Variants in COBL observed in about 807,000 individuals in gnomAD.
The protein encoded by COBL is cordon-bleu WH2 repeat protein, also known as protein cordon-bleu.
In COBL, 51 loss-of-function variants were observed where a neutral mutation model predicts 98.8. The observed-to-expected ratio is 0.52, with a 90% CI of 0.41 to 0.65. The LOEUF (loss-of-function observed/expected upper bound fraction) is 0.65. COBL is among the 30% of genes least tolerant of loss of function. COBL has a pLI of 0.00. For missense variants in COBL, 1,617 were observed against 1,617.5 expected (o/e 1.00, Z 0.01); for synonymous variants, 634 against 651.7 (o/e 0.97, Z 0.41).
chr7:51,085,690 C>G (rs912086263), intron 6 of COBL, among the ~76,000 whole-genome samples: 5 of 152,182 alleles, frequency 3.3e-5, no homozygotes, highest in Admixed American at 2.6e-4. Context: ...CCTTCTGGAA[C>G]AGGATGGGCT....
intron 2 of COBL, among the ~76,000 whole-genome samples, chr7:51,217,503 G>C (rs1793183895): frequency 6.6e-6 from 1 of 151,752 alleles, no homozygotes; most frequent in African/African-American, 2.4e-5. Context: ...CACCACGCCT[G>C]GCTAATTTTT....
At chr7:51,183,524 C>A (rs1255649360) in intron 5 of COBL, among the ~76,000 whole-genome samples, 2 of 151,914 alleles carry the variant, frequency 1.3e-5, no homozygotes, top group African/African-American at 4.8e-5. Flanking sequence ...AATACTGTAT[C>A]CAAAATATGA....
chr7:51,225,842 A>G (rs1053454741), intron 1 of COBL, among the ~76,000 whole-genome samples: 1 of 152,154 alleles, frequency 6.6e-6, no homozygotes, highest in South Asian at 2.1e-4. Context: ...GTCTTAGGTG[A>G]CATGGTGCAG....
chr7:51,256,681 T>TA, intron 1 of COBL, among the ~76,000 whole-genome samples: 1 of 152,218 alleles, frequency 6.6e-6, no homozygotes, highest in East Asian at 1.9e-4. Flanking sequence ...GGGCAAGTGT[T>TA]ACTACCACCA....
At chr7:51,298,011 C>A (rs1437004295) in intron 1 of COBL, among the ~76,000 whole-genome samples, 1 of 152,172 alleles carries the variant, frequency 6.6e-6, no homozygotes, top group African/African-American at 2.4e-5. Flanking sequence ...GACTTAGTGA[C>A]TTGCTTCTGA....
intron 1 of COBL, among the ~76,000 whole-genome samples, chr7:51,274,823 T>C (rs1488710137): frequency 6.6e-6 from 1 of 152,226 alleles, no homozygotes; most frequent in African/African-American, 2.4e-5. Context: ...TTTTAAAATA[T>C]AAGATAGAAG....
chr7:51,133,537 G>A (rs141649208), intron 6 of COBL, among the ~76,000 whole-genome samples: 142 of 152,326 alleles, frequency 9.3e-4, no homozygotes, highest in African/African-American at 3.2e-3. Flanking sequence ...CTGAATCAGC[G>A]CTCAGGTGGG....
At chr7:51,059,660 G>A (rs1554363774) in intron 7 of COBL, among the ~76,000 whole-genome samples, 1 of 84,476 alleles carries the variant, frequency 1.2e-5, no homozygotes, top group Non-Finnish European at 2.3e-5. Flanking sequence ...GGGTGGGAGG[G>A]TGAGGGCTGG....
chr7:51,173,071 G>A (rs907302863), intron 5 of COBL, among the ~76,000 whole-genome samples: 1 of 151,296 alleles, frequency 6.6e-6, no homozygotes, highest in Non-Finnish European at 1.5e-5. Flanking sequence ...TTACAGGTGT[G>A]AGCCACCTCA....
intron 2 of COBL, among the ~76,000 whole-genome samples, chr7:51,205,361 T>C (rs963339543): frequency 6.6e-6 from 1 of 152,144 alleles, no homozygotes; most frequent in African/African-American, 2.4e-5. Flanking sequence ...AATAAATCCA[T>C]GCATTAAGAG....
At chr7:51,043,329 G>C in intron 8 of COBL, 54 bp downstream of exon 8, 3 of 1,544,378 alleles carry the variant, frequency 1.9e-6, no homozygotes, top group Non-Finnish European at 2.7e-6. Context: ...ACCCTCTTTA[G>C]AGACACAGAT....
chr7:51,156,809 T>C (rs1404323416), intron 5 of COBL, among the ~76,000 whole-genome samples: 1 of 151,824 alleles, frequency 6.6e-6, no homozygotes, highest in Non-Finnish European at 1.5e-5. Context: ...GAACTTTCAT[T>C]TCTTAACCCT....
intron 2 of COBL, 106 bp from the exon 3 acceptor site, chr7:51,193,695 T>C: frequency 1.1e-6 from 1 of 916,646 alleles, no homozygotes; most frequent in Admixed American, 2.4e-5. Context: ...ATGAGCAAAT[T>C]AGATATGCTT....
In COBL at chr7:51,136,254, G is replaced by A; in HGVS notation, c.861C>T (p.Ser287=). The stretch of plus-strand genomic sequence containing the variant: ...CCGACTTCACGGACACCCCTGAGAT[G>A]CTGCCCAGCGAGAGGGATGGACCCA... ...LTLGPSLSLG[S]ISGVSVKSEM... Residue 287 remains serine (S), a synonymous_variant, in exon 6 of 13, where the codon AGC becomes AGT. Coordinates refer to ENST00000265136, the MANE Select transcript of COBL (RefSeq NM_015198.5). 6.2e-7 allele frequency: 1 copy of A among 1,614,040 alleles called. No homozygotes were observed. The highest frequency in any genetic ancestry group is 1.1e-5 in the South Asian group (1 of 91,070).
chr7:51,022,186 A>G (rs1271702416), intron 12 of COBL, among the ~76,000 whole-genome samples: 4 of 152,202 alleles, frequency 2.6e-5, no homozygotes, highest in Non-Finnish European at 5.9e-5. Context: ...CCCAGCTTTC[A>G]GCCCGGGAGC....
chr7:51,137,587 T>TAAAA (rs35391666), intron 5 of COBL, among the ~76,000 whole-genome samples: 1 of 145,618 alleles, frequency 6.9e-6, no homozygotes, highest in Admixed American at 6.8e-5. Flanking sequence ...CCCACTTCTT[T>TAAAA]AAAAAAAAAA....
At chr7:51,166,202 G>C (rs1787306783) in intron 5 of COBL, among the ~76,000 whole-genome samples, 1 of 151,580 alleles carries the variant, frequency 6.6e-6, no homozygotes, top group African/African-American at 2.4e-5. Context: ...AAACAAAATT[G>C]ACAAACCTTC....
intron 8 of COBL, 25 bp downstream of exon 8, chr7:51,043,358 C>T (rs746180513): frequency 6.2e-7 from 1 of 1,607,300 alleles, no homozygotes; most frequent in Admixed American, 1.7e-5. Flanking sequence ...GACTTCCGTA[C>T]CCACCCATCC....
intron 4 of COBL, among the ~76,000 whole-genome samples, chr7:51,186,952 C>A (rs1446483736): frequency 6.6e-6 from 1 of 152,148 alleles, no homozygotes; most frequent in Non-Finnish European, 1.5e-5. Context: ...AGCTCTAGAA[C>A]CCATGGTGCC....
Sources: gnomAD v4.1 joint callset for allele counts (sites outside exome capture counted in the v4.1 genomes callset) on GRCh38, gnomAD v4.1.1 for gene constraint, MANE v1.5 for transcripts, NCBI Gene and HGNC (gene_info 2026-07-23, HGNC 2026-07-21) for gene names.